Variants in SCIN observed in about 807,000 individuals in gnomAD.
SCIN encodes the protein scinderin, also known as adseverin.
A neutral mutation model predicts 91.8 loss-of-function variants in SCIN; 91 were observed. That is an observed-to-expected ratio of 0.99 (90% CI 0.84 to 1.18). The LOEUF (loss-of-function observed/expected upper bound fraction) is 1.18. SCIN is among the 50% of genes most tolerant of loss of function. SCIN has a pLI of 0.00. For synonymous variants in SCIN, 367 were observed against 312.6 expected, an observed-to-expected ratio of 1.17 and a Z score of -1.84; for missense variants, 1,087 against 863.9, an observed-to-expected ratio of 1.26 and a Z score of -3.24.
At chr7:12,634,789 G>A (rs1233397810) in intron 9 of SCIN, among the ~76,000 whole-genome samples, 1 of 152,156 alleles carries the variant, frequency 6.6e-6, no homozygotes, top group Non-Finnish European at 1.5e-5. Flanking sequence ...AGAGTTAACA[G>A]CCACAAGCCA....
chr7:12,604,613 T>G lies in SCIN; in HGVS notation c.616T>G (p.Ser206Ala). 2 of 1,552,092 alleles carry G rather than the reference T, an allele frequency of 1.3e-6. No individual in the cohort carries two copies. The highest frequency in any genetic ancestry group is 1.7e-6 in the Non-Finnish European group (2 of 1,147,070). The change falls in exon 4 of 16, where the codon TCT becomes GCT. Residue 206 changes from serine (S) to alanine (A), a missense_variant. By Grantham distance (99) the Ser-to-Ala change is moderately conservative (BLOSUM62 1). Transcript: ENST00000297029. Reference protein sequence around the residue: ...GIRYNERKGRSELIVVEEGSE... With the variant: ...GIRYNERKGRAELIVVEEGSE... ...TCGGTACAATGAAAGGAAAGGAAGG[T>G]CTGAACTAATTGTCGTGGAAGAAGG...
chr7:12,628,795 C>G (rs1046039329), intron 8 of SCIN, among the ~76,000 whole-genome samples: 2 of 152,026 alleles, frequency 1.3e-5, no homozygotes, highest in Non-Finnish European at 2.9e-5. Flanking sequence ...CTGAATCTTG[C>G]AGTTTTTTAT....
intron 3 of SCIN, among the ~76,000 whole-genome samples, chr7:12,603,511 G>A (rs1027308418): frequency 6.6e-6 from 1 of 151,980 alleles, no homozygotes; most frequent in African/African-American, 2.4e-5. Context: ...CCCAAATAGT[G>A]GGTGATAATG....
In SCIN at chr7:12,604,655, C is replaced by A; in HGVS notation, c.658C>A (p.Leu220Ile). The A allele has an allele frequency of 6.4e-7, 1 of 1,551,820 alleles. No homozygotes were observed. The highest frequency in any genetic ancestry group is 8.7e-7 in the Non-Finnish European group (1 of 1,147,002). ...VVEEGSEPSE[L>I]IKVLGEKPEL... Reference sequence around the variant, plus strand: ...GGAAGAAGGAAGTGAACCCTCAGAACTTATAAAGGTATTGTGACTCCTGTT... The same window carrying A: ...GGAAGAAGGAAGTGAACCCTCAGAAATTATAAAGGTATTGTGACTCCTGTT... The change falls in exon 4 of 16, where the codon CTT (leucine) becomes ATT (isoleucine). Residue 220 changes from leucine (L) to isoleucine (I), a missense_variant. Coordinates refer to ENST00000297029, the MANE Select transcript of SCIN (RefSeq NM_001112706.3).
intron 9 of SCIN, among the ~76,000 whole-genome samples, chr7:12,630,674 G>A (rs529687775): frequency 1.8e-4 from 27 of 152,360 alleles, no homozygotes; most frequent in African/African-American, 6.5e-4. Context: ...GTTTGCACTG[G>A]CAAAGTGCCA....
intron 9 of SCIN, among the ~76,000 whole-genome samples, chr7:12,629,550 A>G (rs981695589): frequency 1.3e-5 from 2 of 152,110 alleles, no homozygotes; most frequent in Non-Finnish European, 2.9e-5. Flanking sequence ...GTCAGGTACC[A>G]TGGTTTCTTA....
At chr7:12,650,087 G>A (rs967266232) in intron 14 of SCIN, among the ~76,000 whole-genome samples, 14 of 152,092 alleles carry the variant, frequency 9.2e-5, no homozygotes, top group Non-Finnish European at 1.6e-4. Context: ...CTAAATTAAC[G>A]GTGAAAGAGA....
chr7:12,581,322 C>A, intron 3 of SCIN, 101 bp downstream of exon 3: 1 of 1,218,132 alleles, frequency 8.2e-7, no homozygotes, highest in Non-Finnish European at 1.1e-6. Context: ...TTTCTACACA[C>A]CAGAAAGGGG....
At chr7:12,595,531 T>G (rs1022297381) in intron 3 of SCIN, 2 of 151,904 alleles carry the variant, frequency 1.3e-5, no homozygotes, top group Non-Finnish European at 2.9e-5. Context: ...TAATAGGTAA[T>G]ATAAGAGGGG....
chr7:12,631,963 A>C (rs1029605186), intron 9 of SCIN, among the ~76,000 whole-genome samples: 2 of 152,268 alleles, frequency 1.3e-5, no homozygotes, highest in Admixed American at 6.5e-5. Flanking sequence ...AAAACGAGGG[A>C]AATTAGAAGG....
At chr7:12,596,626 A>G (rs997569087) in intron 3 of SCIN, among the ~76,000 whole-genome samples, 2 of 152,120 alleles carry the variant, frequency 1.3e-5, no homozygotes, top group Non-Finnish European at 2.9e-5. Flanking sequence ...TTGATTGAGC[A>G]GTTGAGTCAC....
chr7:12,628,997 A>G (rs1326438220), intron 8 of SCIN, 104 bp from the exon 9 acceptor site: 6 of 954,548 alleles, frequency 6.3e-6, no homozygotes, highest in Non-Finnish European at 9.0e-6. Context: ...ATAATTTAAA[A>G]GTTGTTTAAT....
chr7:12,624,973 C>A, intron 5 of SCIN, 37 bp from the exon 6 acceptor site: 1 of 1,542,754 alleles, frequency 6.5e-7, no homozygotes, highest in South Asian at 1.2e-5. Context: ...CTTATCATCC[C>A]CAAATGAAAA....
intron 4 of SCIN, among the ~76,000 whole-genome samples, chr7:12,621,731 T>G (rs1386428139): frequency 6.6e-6 from 1 of 150,556 alleles, no homozygotes; most frequent in Non-Finnish European, 1.5e-5. Context: ...CTAAAACATT[T>G]TATTGATCAC....
chr7:12,580,845 A>T (rs1782472947), intron 2 of SCIN, among the ~76,000 whole-genome samples: 1 of 152,220 alleles, frequency 6.6e-6, no homozygotes, highest in Admixed American at 6.5e-5. Flanking sequence ...TTGAATGGTT[A>T]AAACAGAAAG....
At chr7:12,582,892 C>T (rs139411226) in intron 3 of SCIN, among the ~76,000 whole-genome samples, 1 of 152,150 alleles carries the variant, frequency 6.6e-6, no homozygotes, top group African/African-American at 2.4e-5. Context: ...TTCATCTCCA[C>T]CACTTGTACT....
At chr7:12,616,991 A>G (rs1211166020) in intron 4 of SCIN, among the ~76,000 whole-genome samples, 2 of 152,188 alleles carry the variant, frequency 1.3e-5, no homozygotes, top group Non-Finnish European at 2.9e-5. Flanking sequence ...GATTTTGACA[A>G]AGGTACATTA....
At chr7:12,587,717 T>A (rs575711093) in intron 3 of SCIN, among the ~76,000 whole-genome samples, 2 of 152,320 alleles carry the variant, frequency 1.3e-5, no homozygotes, top group South Asian at 4.1e-4. Context: ...CTTAGGCTCA[T>A]GGAGGGGTGT....
intron 11 of SCIN, 48 bp from the exon 12 acceptor site, chr7:12,644,090 G>A: frequency 1.3e-6 from 2 of 1,503,510 alleles, no homozygotes; most frequent in Non-Finnish European, 1.8e-6. Flanking sequence ...TTTATTGAGG[G>A]AGCAGCAATG....
Sources: allele counts gnomAD v4.1 joint callset (sites outside exome capture counted in the v4.1 genomes callset), GRCh38; gene constraint gnomAD v4.1.1; transcripts MANE v1.5; gene names NCBI Gene and HGNC (gene_info 2026-07-23, HGNC 2026-07-21).